PBRM1: variants seen among roughly 807,000 people sequenced by gnomAD.
PBRM1 encodes the protein polybromo 1.
Under a neutral mutation model 194.5 loss-of-function variants are expected in PBRM1, and 27 were observed. That is an observed-to-expected ratio of 0.14 (90% CI 0.10 to 0.19). The LOEUF (loss-of-function observed/expected upper bound fraction) is 0.19. Ranked by LOEUF, PBRM1 falls within the 10% of genes least tolerant of loss-of-function variation. PBRM1 has a pLI of 1.00. For missense variants in PBRM1, 1,466 were observed against 2,077.2 expected, an observed-to-expected ratio of 0.71 and a Z score of 5.72; for synonymous variants, 655 against 693.2, an observed-to-expected ratio of 0.94 and a Z score of 0.87.
chr3:52,624,866 G>C (rs1560478382), intron 13 of PBRM1, 31 bp downstream of exon 15: 1 of 1,403,262 alleles, frequency 7.1e-7, no homozygotes, highest in South Asian at 1.2e-5. Flanking sequence ...CACTTTAAAA[G>C]AATGTTTATG....
chr3:52,567,495 C>G (rs2085631360), intron 22 of PBRM1, among the ~76,000 whole-genome samples: 2 of 145,830 alleles, frequency 1.4e-5, no homozygotes, highest in South Asian at 4.3e-4. Context: ...TAGGTAAATA[C>G]CATTTCCTCA....
At chr3:52,591,483 C>T (rs1191460626) in intron 17 of PBRM1, among the ~76,000 whole-genome samples, 3 of 134,106 alleles carry the variant, frequency 2.2e-5, no homozygotes, top group Non-Finnish European at 4.9e-5. Context: ...TTTTCTACAT[C>T]TATTGAGATA....
intron 2 of PBRM1, among the ~76,000 whole-genome samples, chr3:52,677,429 T>TTTTTTG (rs2097130428): frequency 1.4e-5 from 2 of 141,312 alleles, no homozygotes; most frequent in African/African-American, 5.3e-5. Flanking sequence ...TTTTTTTTTT[T>TTTTTTG]GAGATGGAGT....
intron 6 of PBRM1, among the ~76,000 whole-genome samples, chr3:52,648,921 T>C (rs2096405309): frequency 6.6e-6 from 1 of 152,186 alleles, no homozygotes. Flanking sequence ...TGTCATATCT[T>C]AAGGCTCACT....
At chr3:52,610,660 T>C (rs1245135202) in intron 15 of PBRM1, among the ~76,000 whole-genome samples, 1 of 152,156 alleles carries the variant, frequency 6.6e-6, no homozygotes, top group Non-Finnish European at 1.5e-5. Context: ...AGGAACCGGC[T>C]GGGCGTGGTG....
At chr3:52,671,972 C>T (rs1169420467) in intron 2 of PBRM1, among the ~76,000 whole-genome samples, 1 of 152,184 alleles carries the variant, frequency 6.6e-6, no homozygotes, top group Non-Finnish European at 1.5e-5. Context: ...TCTACAGCTG[C>T]TGTAACAAAT....
At chr3:52,565,486 C>A (rs1413927561) in intron 22 of PBRM1, among the ~76,000 whole-genome samples, 1 of 146,544 alleles carries the variant, frequency 6.8e-6, no homozygotes, top group African/African-American at 2.5e-5. Flanking sequence ...CCAGCCTGGG[C>A]AATAGAGCGA....
At chr3:52,559,716 G>T (rs985235948) in intron 25 of PBRM1, among the ~76,000 whole-genome samples, 2 of 152,030 alleles carry the variant, frequency 1.3e-5, no homozygotes, top group African/African-American at 4.8e-5. Context: ...GCAATCAAAG[G>T]CCTCTTGGCT....
intron 10 of PBRM1, among the ~76,000 whole-genome samples, chr3:52,639,234 CA>C (rs1411272420): frequency 6.6e-6 from 1 of 152,060 alleles, no homozygotes; most frequent in Non-Finnish European, 1.5e-5. Context: ...CCTCAGGCTC[CA>C]AAAGTGCCGG....
chr3:52,671,497 G>A (rs2096949493), intron 2 of PBRM1, among the ~76,000 whole-genome samples: 1 of 152,220 alleles, frequency 6.6e-6, no homozygotes, highest in South Asian at 2.1e-4. Context: ...TAATGGTTAA[G>A]AGCACAGGCT....
intron 3 of PBRM1, 34 bp downstream of exon 4, chr3:52,668,464 A>G: frequency 1.3e-6 from 2 of 1,485,258 alleles, no homozygotes; most frequent in Non-Finnish European, 1.8e-6. Flanking sequence ...GGTATCTTCC[A>G]ATTGGTATCT....
upstream of PBRM1, chr3:52,682,322 T>C (rs1220629588): frequency 1.3e-5 from 2 of 151,504 alleles, no homozygotes; most frequent in African/African-American, 4.9e-5. Flanking sequence ...AGAACATTTA[T>C]TTCCAAAAGT....
At chr3:52,601,204 T>C (rs947435757) in intron 17 of PBRM1, among the ~76,000 whole-genome samples, 1 of 152,200 alleles carries the variant, frequency 6.6e-6, no homozygotes, top group African/African-American at 2.4e-5. Context: ...CTCTGTATGA[T>C]TCCTTCTACT....
intron 2 of PBRM1, among the ~76,000 whole-genome samples, chr3:52,674,329 A>C (rs547867857): frequency 1.3e-5 from 2 of 151,136 alleles, no homozygotes; most frequent in East Asian, 3.9e-4. Flanking sequence ...TAAAAATACA[A>C]AATTAGCTGG....
chr3:52,577,039 CCAAA>C (rs1156536897), intron 21 of PBRM1, among the ~76,000 whole-genome samples: 12 of 151,970 alleles, frequency 7.9e-5, no homozygotes, highest in African/African-American at 1.2e-4. Flanking sequence ...GACTTGTGAA[CCAAA>C]CAAAGACATA....
In PBRM1 at chr3:52,554,711, A is replaced by G. The variant is rs2081851782; in HGVS notation, c.4609+13T>C. On this transcript the variant is annotated intron_variant, in intron 27 of 29. Coordinates refer to ENST00000296302, the Ensembl canonical transcript of PBRM1. The stretch of plus-strand genomic sequence containing the variant: ...AGATGAGATTAATGAGTGAATGAGG[A>G]TGAAGTTCTTACCCGGTGGTGGGAT... 2.6e-6 allele frequency: 4 copies of G among 1,542,254 alleles called. No individual in the cohort carries two copies. The highest frequency in any genetic ancestry group is 3.5e-6 in the Non-Finnish European group (4 of 1,150,768).
chr3:52,636,329 A>G (rs2095810133), intron 10 of PBRM1, among the ~76,000 whole-genome samples: 1 of 152,184 alleles, frequency 6.6e-6, no homozygotes, highest in Non-Finnish European at 1.5e-5. Context: ...AATTATTTTT[A>G]TAAAAATAAA....
chr3:52,550,713 G>A, intron 28 of PBRM1, 34 bp downstream of exon 30: 1 of 1,592,486 alleles, frequency 6.3e-7, no homozygotes, highest in Non-Finnish European at 8.6e-7. Flanking sequence ...CTCGAATTCT[G>A]TCAAGTCCTA....
intron 9 of PBRM1, 99 bp downstream of exon 10, chr3:52,643,149 A>G: frequency 8.1e-6 from 7 of 863,098 alleles, no homozygotes; most frequent in Non-Finnish European, 1.4e-5. Flanking sequence ...ACCAAACTAT[A>G]CCCAAAAATA....
Sources: allele counts gnomAD v4.1 joint callset (sites outside exome capture counted in the v4.1 genomes callset), GRCh38; gene constraint gnomAD v4.1.1; transcripts MANE v1.5; gene names NCBI Gene and HGNC (gene_info 2026-07-23, HGNC 2026-07-21).